Variants in NSD1 observed in about 807,000 individuals in gnomAD.
NSD1 encodes nuclear receptor binding SET domain protein 1, also known as histone-lysine N-methyltransferase, H3 lysine-36 specific.
NSD1 carries 26 observed loss-of-function variants against 242.7 expected under a neutral mutation model. The observed-to-expected ratio is 0.11, with a 90% CI of 0.08 to 0.15. The LOEUF is 0.15. Ranked by LOEUF, NSD1 falls within the 10% of genes least tolerant of loss-of-function variation. NSD1 has a pLI of 1.00. For synonymous variants in NSD1, 1,106 were observed against 1,178.1 expected (o/e 0.94, Z 1.25); for missense variants, 2,495 against 3,272.8 (o/e 0.76, Z 5.80).
Position 177,246,805 on chromosome 5 carries a change from C to G in NSD1, c.4497+9C>G, listed in dbSNP as rs1239096330. 6.3e-7 allele frequency: 1 copy of G among 1,580,704 alleles called. No individual in the cohort carries two copies. The highest frequency in any genetic ancestry group is 1.1e-5 in the South Asian group (1 of 90,218). ...AGATTCCAGGCTCAGAGGTATTACT[C>G]AGTTCCTGATCTTTTCACCTTCTAA... On this transcript the variant is annotated intron_variant, in intron 10 of 22. Transcript: ENST00000439151.
At chr5:177,257,973 C>T (rs1322054919) in intron 13 of NSD1, among the ~76,000 whole-genome samples, 10 of 52,570 alleles carry the variant, frequency 1.9e-4, no homozygotes, top group East Asian at 6.4e-4. Context: ...CCCCCTGGGC[C>T]TTTTTTTTTT....
At chr5:177,196,460 A>G (rs1470664649) in intron 3 of NSD1, among the ~76,000 whole-genome samples, 1 of 152,172 alleles carries the variant, frequency 6.6e-6, no homozygotes, top group Non-Finnish European at 1.5e-5. Flanking sequence ...TGAGGAGGTA[A>G]AATGCATCTG....
Position 177,135,655 on chromosome 5 carries a change from T to C in NSD1, c.552T>C (p.Phe184=). The change falls in exon 2 of 23, where the codon TTT becomes TTC. Residue 184 remains phenylalanine (F), a synonymous_variant. Transcript: ENST00000439151. ...VTEDESIEEI[F]EETQTNATCN... Reference sequence around the variant, plus strand: ...AGGATGAGAGTATAGAGGAGATCTTTGAGGAAACTCAGACCAATGCCACCT... The same window carrying C: ...AGGATGAGAGTATAGAGGAGATCTTCGAGGAAACTCAGACCAATGCCACCT... 6.2e-7 allele frequency: 1 copy of C among 1,614,210 alleles called. No individual in the cohort carries two copies. The highest frequency in any genetic ancestry group is 8.5e-7 in the Non-Finnish European group (1 of 1,180,040).
intron 4 of NSD1, among the ~76,000 whole-genome samples, chr5:177,206,806 G>A (rs1454557505): frequency 6.6e-6 from 1 of 151,228 alleles, no homozygotes; most frequent in African/African-American, 2.4e-5. Context: ...CTGGAAAATT[G>A]ATTTACTCTG....
rs1373293496 is a variant in NSD1 at position 177,299,933 on chromosome 5, C to T, written c.*4474C>T. On this transcript the variant is annotated 3_prime_UTR_variant, in exon 23 of 23. Transcript: ENST00000439151. ...TGAAGGTGGGGAGGGCAGCACACAGCAGCTCATGGCAGAGCCGCCTCCTAG... is the reference window on the plus strand; with the variant it reads ...TGAAGGTGGGGAGGGCAGCACACAGTAGCTCATGGCAGAGCCGCCTCCTAG... 8.6e-6 allele frequency: 2 copies of T among 233,020 alleles called. No homozygotes were observed. The highest frequency in any genetic ancestry group is 1.7e-5 in the Non-Finnish European group (2 of 118,074). The allele number at this position is 233,020 out of a possible 1,614,324, so 14.4% of individuals were successfully genotyped here.
upstream of NSD1, among the ~76,000 whole-genome samples, chr5:177,132,842 G>T (rs1215484857): frequency 3.9e-5 from 6 of 152,078 alleles, no homozygotes; most frequent in Non-Finnish European, 7.4e-5. This position sits in a 1 kb window ranked among gnomAD's most constrained non-coding sequence, Gnocchi z 7.5. Flanking sequence ...TGGGTGAGGG[G>T]CTGTGGGCAC....
intron 14 of NSD1, chr5:177,265,395 G>T: frequency 1.7e-6 from 1 of 600,968 alleles, no homozygotes. Flanking sequence ...CATAAATGCA[G>T]CCATCTAAAA....
chr5:177,151,688 C>CTT (rs763118605), intron 2 of NSD1, among the ~76,000 whole-genome samples: 2 of 141,692 alleles, frequency 1.4e-5, no homozygotes, highest in Non-Finnish European at 1.6e-5. Flanking sequence ...CGTGCGTGTC[C>CTT]TTTTTTTTTT....
intron 14 of NSD1, chr5:177,266,007 CTT>C (rs951222450): frequency 5.0e-5 from 52 of 1,034,380 alleles, no homozygotes; most frequent in Non-Finnish European, 7.6e-5. Flanking sequence ...ATGGCCACAT[CTT>C]TGATGCAAGA....
intron 5 of NSD1, among the ~76,000 whole-genome samples, chr5:177,224,035 T>C (rs555509859): frequency 5.1e-4 from 77 of 150,292 alleles, no homozygotes; most frequent in Non-Finnish European, 9.7e-4. Flanking sequence ...ACAGTATTTT[T>C]GTAGTAATTA....
rs192689485 is a variant in NSD1, at chr5:177,260,423, T to C, written c.5146+255T>C. ...GTGCTATGGCACAATCTCAGCTAAC[T>C]GCAGCCTCCACCTCCCAGGTTCAAG... On this transcript the variant is annotated intron_variant, in intron 14 of 22. Coordinates refer to ENST00000439151, the MANE Select transcript of NSD1 (RefSeq NM_022455.5). 6.8e-3 allele frequency among the ~76,000 whole-genome samples: 961 copies of C among 141,390 alleles called. 7 individuals carry two copies. Among genetic ancestry groups the C allele is most frequent in the Non-Finnish European group, 9.1e-3 (603 of 66,110 alleles). 92.8% of individuals were successfully genotyped at this position (141,390 alleles called of 152,430 possible).
Position 177,211,808 on chromosome 5 carries a change from CT to C in NSD1, c.3410del (p.Leu1137ArgfsTer4). The C allele has an allele frequency of 6.2e-7, 1 of 1,614,180 alleles. No individual in the cohort carries two copies. The highest frequency in any genetic ancestry group is 2.2e-5 in the East Asian group (1 of 44,890). On this transcript the variant is annotated frameshift_variant, in exon 5 of 23. Transcript: ENST00000439151. LOFTEE classifies it high-confidence loss of function. ...LSFENGKGPELDSVMNSENDE... is the reference protein window; with the variant it reads ...LSFENGKGPEXDSVMNSENDE... ...TTTTGAAAACGGAAAAGGCCCAGAG[CT>C]GGACTCTGTAATGAACAGTGAGAAT...
At chr5:177,247,439 T>C (rs958013299) in intron 10 of NSD1, among the ~76,000 whole-genome samples, 1 of 151,688 alleles carries the variant, frequency 6.6e-6, no homozygotes, top group African/African-American at 2.4e-5. Flanking sequence ...AAGAAAAAAA[T>C]TGAGACTGCT....
At chr5:177,181,735 TCTTA>T (rs948013752) in intron 2 of NSD1, among the ~76,000 whole-genome samples, 3 of 151,482 alleles carry the variant, frequency 2.0e-5, no homozygotes, top group Non-Finnish European at 4.4e-5. Flanking sequence ...TGCATTGTGG[TCTTA>T]CTTTAAGAAA....
intron 2 of NSD1, among the ~76,000 whole-genome samples, chr5:177,139,247 C>T (rs1266912469): frequency 6.9e-6 from 1 of 145,350 alleles, no homozygotes; most frequent in Non-Finnish European, 1.5e-5. Context: ...GCGAAACTCC[C>T]TCTCAAGAAA....
At position 177,260,549 on chromosome 5, in the gene NSD1, T is replaced by C. The variant is rs955762351; in HGVS notation, c.5146+381T>C. 1.5e-4 allele frequency among the ~76,000 whole-genome samples: 23 copies of C among 152,008 alleles called. 1 individual carries two copies. The highest frequency in any genetic ancestry group is 4.4e-5 in the Non-Finnish European group (3 of 68,004). The stretch of plus-strand genomic sequence containing the variant: ...TTTTAGTAGAGACAGGGTTTTACCA[T>C]GTTGGCCAGGCTGGTCTCAAACTCC... On this transcript the variant is annotated intron_variant, in intron 14 of 22. Transcript: ENST00000439151.
At position 177,267,840 on chromosome 5, in the gene NSD1, C is replaced by A. The variant is rs1757622090; in HGVS notation, c.5303+122C>A. Reference sequence around the variant, plus strand: ...TTACTCATGGTACTCCTCCCCTCTTCTTCTTGATTTTTTTCCTTATAGGAA... The same window carrying A: ...TTACTCATGGTACTCCTCCCCTCTTATTCTTGATTTTTTTCCTTATAGGAA... On this transcript the variant is annotated intron_variant, in intron 15 of 22. Coordinates refer to ENST00000439151, the MANE Select transcript of NSD1 (RefSeq NM_022455.5). 3.1e-6 allele frequency: 3 copies of A among 974,508 alleles called. No homozygotes were observed. In the African/African-American group the frequency reaches 4.9e-5, roughly 16 times the overall value. The allele number at this position is 974,508 out of a possible 1,614,324, so 60.4% of individuals were successfully genotyped here. A position where few individuals can be genotyped will look rare whatever the true frequency, so the allele number is the denominator to read the frequency against.
rs1397648769 is a variant in NSD1 at position 177,257,009 on chromosome 5, A to G, written c.4824A>G (p.Leu1608=). 1 of 1,614,018 alleles carries G rather than the reference A, an allele frequency of 6.2e-7. No individual in the cohort carries two copies. The highest frequency in any genetic ancestry group is 2.2e-5 in the East Asian group (1 of 44,868). The change falls in exon 13 of 23, where the codon CTA becomes CTG. Residue 1608 remains leucine, a synonymous_variant. Transcript: ENST00000439151. ...QSGEDVKRCL[L]PLCGKFYHEE... is the part of the protein sequence containing the mutation. ...GGGAAGATGTTAAAAGGTGCCTTCTACCCTTGTGTGGAAAGTTTTACCATG... is the reference window on the plus strand; with the variant it reads ...GGGAAGATGTTAAAAGGTGCCTTCTGCCCTTGTGTGGAAAGTTTTACCATG...
At chr5:177,205,283 G>A (rs186934597) in intron 4 of NSD1, among the ~76,000 whole-genome samples, 2 of 151,960 alleles carry the variant, frequency 1.3e-5, no homozygotes, top group Non-Finnish European at 2.9e-5. Context: ...TGATCAACTC[G>A]CCTCAGCCTC....
Sources: gnomAD v4.1 joint callset for allele counts (sites outside exome capture counted in the v4.1 genomes callset) on GRCh38, gnomAD v4.1.1 for gene constraint, Gnocchi (gnomAD v3.1) non-coding constraint, MANE v1.5 for transcripts, NCBI Gene and HGNC (gene_info 2026-07-23, HGNC 2026-07-21) for gene names.